Variants in TTN observed in about 807,000 individuals in gnomAD.
TTN encodes the protein titin.
In TTN, 1,525 loss-of-function variants were observed where a neutral mutation model predicts 3,223.0. The ratio of observed to expected loss-of-function variants is 0.47; its 90% CI spans 0.45 to 0.49. The LOEUF (loss-of-function observed/expected upper bound fraction) is 0.49. Among genes scored for constraint, TTN ranks in the 20% least tolerant of loss-of-function variants. TTN has a pLI of 0.00. For missense variants in TTN, 40,786 were observed against 43,424.0 expected (o/e 0.94, Z 5.40); for synonymous variants, 14,094 against 15,161.0 (o/e 0.93, Z 5.17).
intron 149 of TTN, 44 bp from the exon 150 acceptor site, chr2:178,675,157 CA>C: frequency 7.4e-7 from 1 of 1,346,740 alleles, no homozygotes; most frequent in Non-Finnish European, 1.0e-6. Context: ...ATGCAAGAAC[CA>C]AAGAAGAATA....
rs1305128121 is a variant in TTN, at chr2:178,566,476, T to G, written c.79656A>C (p.Lys26552Asn). The G allele has an allele frequency of 3.1e-6, 5 of 1,613,464 alleles. No homozygotes were observed. The highest frequency in any genetic ancestry group is 4.2e-6 in the Non-Finnish European group (5 of 1,179,688). The part of the protein sequence containing the change: ...GLRVTRFEIS[K>N]LTEHQEYKIR... ...TTTTATACTCTTGGTGTTCAGTGAG[T>G]TTTGAAATTTCAAATCGAGTGACTC... Residue 26552 changes from lysine to asparagine, a missense_variant, in exon 326 of 363, where the codon AAA becomes AAC. Physicochemically the swap from Lys to Asn is moderately conservative, Grantham distance 94. Coordinates refer to ENST00000589042, the MANE Select transcript of TTN (RefSeq NM_001267550.2).
At chr2:178,527,937 C>T (rs1375271776) in intron 361 of TTN, 189 bp from the exon 362 acceptor site, 13 of 568,686 alleles carry the variant, frequency 2.3e-5, no homozygotes, top group Non-Finnish European at 3.9e-5. Context: ...GTCTCCAAAA[C>T]ATGAATCCTT....
chr2:178,752,043 G>GAAAAAAAAAA (rs58651353), intron 47 of TTN: 1 of 1,322,332 alleles, frequency 7.6e-7, no homozygotes, highest in Non-Finnish European at 1.0e-6. Flanking sequence ...AATAATTCTG[G>GAAAAAAAAAA]AAAAAAAAAA....
chr2:178,636,810 GT>G lies in TTN; in HGVS notation c.40928-12del. On this transcript the variant is annotated splice_polypyrimidine_tract_variant and intron_variant, in intron 224 of 362. Transcript: ENST00000589042. The surrounding 1 kb of genome is among the most constrained non-coding windows in gnomAD (Gnocchi z 4.3). Reference sequence around the variant, plus strand: ...TCTTTTTGGGTACACCTAATTCAAAGTAAAATAAAAAGTTGATTTGGCATCT... The same window carrying G: ...TCTTTTTGGGTACACCTAATTCAAAGAAAATAAAAAGTTGATTTGGCATCT... 6.5e-7 allele frequency: 1 copy of G among 1,547,118 alleles called. No individual in the cohort carries two copies. Among genetic ancestry groups the G allele is most frequent in the Middle Eastern group, 1.7e-4 (1 of 5,732 alleles).
rs2077136991 is a variant in TTN at position 178,714,336 on chromosome 2, T to C, written c.26438A>G (p.Asn8813Ser). ...NAGKYTCQIKNDAGMQECFAT... is the reference protein window; with the variant it reads ...NAGKYTCQIKSDAGMQECFAT... The stretch of plus-strand genomic sequence containing the variant: ...GAAGCACTCTTGCATCCCAGCATCG[T>C]TTTTGATCTGACAAGTGTATTTTCC... The change falls in exon 91 of 363, where the codon AAC becomes AGC. Residue 8813 changes from asparagine to serine, a missense_variant. Physicochemically the swap from Asn to Ser is conservative, Grantham distance 46. Coordinates refer to ENST00000589042, the MANE Select transcript of TTN (RefSeq NM_001267550.2). The C allele has an allele frequency of 6.2e-7, 1 of 1,613,654 alleles. No individual in the cohort carries two copies. The highest frequency in any genetic ancestry group is 8.5e-7 in the Non-Finnish European group (1 of 1,179,644).
In TTN at chr2:178,562,297, ACTT is replaced by A; in HGVS notation, c.83832_83834del (p.Arg27944del). ...CTGGCACTCCAAGTTGTCTTGGATCACTTCTTCCCTTTTCGTTAACTGCAGCTA... is the reference window on the plus strand; with the variant it reads ...CTGGCACTCCAAGTTGTCTTGGATCACTTCCCTTTTCGTTAACTGCAGCTA... On this transcript the variant is annotated inframe_deletion, in exon 326 of 363. Transcript: ENST00000589042. 2 of 1,613,374 alleles carry A rather than the reference ACTT, an allele frequency of 1.2e-6. No individual in the cohort carries two copies. Among genetic ancestry groups the A allele is most frequent in the Non-Finnish European group, 1.7e-6 (2 of 1,179,666 alleles).
At chr2:178,787,292 A>G (rs1021012206) in intron 13 of TTN, among the ~76,000 whole-genome samples, 2 of 152,142 alleles carry the variant, frequency 1.3e-5, no homozygotes, top group African/African-American at 4.8e-5. Flanking sequence ...GCTTCCTTTT[A>G]GGAAGACACA....
chr2:178,551,230 A>G lies in TTN; in HGVS notation c.91301T>C (p.Val30434Ala). Residue 30434 changes from valine to alanine, a missense_variant, in exon 336 of 363, where the codon GTC becomes GCC. Transcript: ENST00000589042. ...DPPGTPDYID[V>A]TRETITLKWN... ...TTTAAGTGTGATGGTTTCCCGGGTGACATCAATGTAGTCAGGAGTGCCAGG... is the reference window on the plus strand; with the variant it reads ...TTTAAGTGTGATGGTTTCCCGGGTGGCATCAATGTAGTCAGGAGTGCCAGG... 6.2e-7 allele frequency: 1 copy of G among 1,613,260 alleles called. No homozygotes were observed. The highest frequency in any genetic ancestry group is 8.5e-7 in the Non-Finnish European group (1 of 1,179,596).
intron 46 of TTN, 59 bp from the exon 47 acceptor site, chr2:178,753,239 C>G (rs1262453601): frequency 3.1e-6 from 4 of 1,304,492 alleles, no homozygotes; most frequent in Non-Finnish European, 4.4e-6. Context: ...TTTTCTGCAT[C>G]AATTCATGAC....
Position 178,592,034 on chromosome 2 carries a change from T to A in TTN, c.59870A>T (p.Tyr19957Phe). The A allele has an allele frequency of 5.0e-6, 8 of 1,613,124 alleles. No homozygotes were observed. Among genetic ancestry groups the A allele is most frequent in the Non-Finnish European group, 6.8e-6 (8 of 1,179,522 alleles). ...YLFRVAAENQYGRGPFVETPK... is the reference protein window; with the variant it reads ...YLFRVAAENQFGRGPFVETPK... The stretch of plus-strand genomic sequence containing the variant: ...TGTTTCAACAAAAGGACCACGTCCA[T>A]ACTGGTTCTCCGCAGCTACTCGGAA... Residue 19957 changes from tyrosine to phenylalanine, a missense_variant, in exon 302 of 363, where the codon TAT (tyrosine) becomes TTT (phenylalanine). Tyr to Phe is a conservative substitution (Grantham distance 22). Coordinates refer to ENST00000589042, the MANE Select transcript of TTN (RefSeq NM_001267550.2).
At chr2:178,665,940 G>C (rs1298609785) in intron 163 of TTN, 149 bp from the exon 164 acceptor site, 1 of 400,928 alleles carries the variant, frequency 2.5e-6, no homozygotes, top group Admixed American at 4.4e-5. Context: ...GTGAGTATTT[G>C]GTTATAAGCG....
At chr2:178,757,001 T>C (rs527952753) in intron 45 of TTN, among the ~76,000 whole-genome samples, 2 of 152,228 alleles carry the variant, frequency 1.3e-5, no homozygotes, top group South Asian at 4.2e-4. Flanking sequence ...TGCTGAGTGG[T>C]TGATGAAGAC....
rs2065218644 is a variant in TTN, at chr2:178,663,689, ACTT to A, written c.36467_36469del (p.Glu12156del). ...CACTGGCGCTTTCTTTTCAGGAACT[ACTT>A]CTTTGGGAGGCTCTGGTACTTAAAA... On this transcript the variant is annotated inframe_deletion, in exon 171 of 363. Coordinates refer to ENST00000589042, the MANE Select transcript of TTN (RefSeq NM_001267550.2). The A allele has an allele frequency of 1.2e-6, 2 of 1,613,610 alleles. No individual in the cohort carries two copies. The highest frequency in any genetic ancestry group is 8.5e-7 in the Non-Finnish European group (1 of 1,179,806).
rs760457056 is a variant in TTN, at chr2:178,590,481, G to T, written c.61244C>A (p.Thr20415Lys). Residue 20415 changes from threonine to lysine, a missense_variant, in exon 304 of 363, where the codon ACA becomes AAA. Coordinates refer to ENST00000589042, the MANE Select transcript of TTN (RefSeq NM_001267550.2). ...GYVVECQKPGTAQWNRINKDE... is the reference protein window; with the variant it reads ...GYVVECQKPGKAQWNRINKDE... ...TTTATTAATCCTGTTCCATTGTGCT[G>T]TGCCAGGTTTCTGACATTCCACTAC... 8.1e-6 allele frequency: 13 copies of T among 1,612,872 alleles called. No individual in the cohort carries two copies. The highest frequency in any genetic ancestry group is 1.0e-5 in the Non-Finnish European group (12 of 1,179,414).
Position 178,587,690 on chromosome 2 carries a change from T to G in TTN, c.63619A>C (p.Thr21207Pro). The change falls in exon 306 of 363, where the codon ACT becomes CCT. Residue 21207 changes from threonine (T) to proline (P), a missense_variant. By Grantham distance (38) the Thr-to-Pro change is conservative. Coordinates refer to ENST00000589042, the MANE Select transcript of TTN (RefSeq NM_001267550.2). ...TTATCAATGCCAACTTTTCGCCAAGTGACTTTAGGGGCTGGTCGTCCTCTC... is the reference window on the plus strand; with the variant it reads ...TTATCAATGCCAACTTTTCGCCAAGGGACTTTAGGGGCTGGTCGTCCTCTC... ...IVRGRPAPKV[T>P]WRKVGIDNVV... The G allele has an allele frequency of 6.2e-7, 1 of 1,612,970 alleles. No individual in the cohort carries two copies. The highest frequency in any genetic ancestry group is 8.5e-7 in the Non-Finnish European group (1 of 1,179,412).
rs997769510 is a variant in TTN at position 178,736,419 on chromosome 2, T to G, written c.14372-345A>C. Reference sequence around the variant, plus strand: ...TTTAATTCTGCAAATTAGAAGATTATGTAAGGAAGATAAAGAAAATGTATT... The same window carrying G: ...TTTAATTCTGCAAATTAGAAGATTAGGTAAGGAAGATAAAGAAAATGTATT... On this transcript the variant is annotated intron_variant, in intron 49 of 362. Coordinates refer to ENST00000589042, the MANE Select transcript of TTN (RefSeq NM_001267550.2). 3.9e-5 allele frequency among the ~76,000 whole-genome samples: 6 copies of G among 152,186 alleles called. No homozygotes were observed. In the East Asian group the frequency reaches 1.2e-3, roughly 29 times the overall value.
In TTN at chr2:178,784,267, T is replaced by C. The variant is rs1453746704; in HGVS notation, c.2578A>G (p.Lys860Glu). ...SSAQKITKSV[K>E]APTVKPSETR... ...TCACTGGGCTTCACAGTAGGAGCCTTCACCGATTTGGTGATCTTCTGAGCA... is the reference window on the plus strand; with the variant it reads ...TCACTGGGCTTCACAGTAGGAGCCTCCACCGATTTGGTGATCTTCTGAGCA... Residue 860 changes from lysine to glutamate, a missense_variant, in exon 16 of 363, where the codon AAG becomes GAG. Transcript: ENST00000589042. The C allele has an allele frequency of 6.2e-7, 1 of 1,614,030 alleles. No homozygotes were observed. Among genetic ancestry groups the C allele is most frequent in the African/African-American group, 1.3e-5 (1 of 74,922 alleles).
chr2:178,568,031 C>T lies in TTN; in HGVS notation c.78101G>A (p.Ser26034Asn). 1 of 1,613,340 alleles carries T rather than the reference C, an allele frequency of 6.2e-7. No individual in the cohort carries two copies. The highest frequency in any genetic ancestry group is 8.5e-7 in the Non-Finnish European group (1 of 1,179,570). Residue 26034 changes from serine (S) to asparagine (N), a missense_variant, in exon 326 of 363, where the codon AGT becomes AAT. Coordinates refer to ENST00000589042, the MANE Select transcript of TTN (RefSeq NM_001267550.2). ...GYHLERKERN[S>N]ILWTKVNKTI... ...TTTGTTGACCTTTGTCCACAAAATA[C>T]TGTTTCTTTCTTTTCTCTCCAGGTG...
At position 178,561,498 on chromosome 2, in the gene TTN, T is replaced by G; in HGVS notation, c.84634A>C (p.Thr28212Pro). Residue 28212 changes from threonine (T) to proline (P), a missense_variant, in exon 326 of 363, where the codon ACT becomes CCT. Thr to Pro is a conservative substitution (Grantham distance 38, BLOSUM62 -1). Transcript: ENST00000589042. ...TCAAGGCCGGAGACTTTCATTTGAG[T>G]ATCAGCAATGAGGATTTTATTTGCT... Reference protein sequence around the residue: ...SKANKILIADTQMKVSGLDEG... With the variant: ...SKANKILIADPQMKVSGLDEG... 1 of 1,613,694 alleles carries G rather than the reference T, an allele frequency of 6.2e-7. No individual in the cohort carries two copies. Among genetic ancestry groups the G allele is most frequent in the Non-Finnish European group, 8.5e-7 (1 of 1,179,734 alleles).
Sources: gnomAD v4.1 joint callset for allele counts (sites outside exome capture counted in the v4.1 genomes callset) on GRCh38, gnomAD v4.1.1 for gene constraint, Gnocchi (gnomAD v3.1) non-coding constraint, MANE v1.5 for transcripts, NCBI Gene and HGNC (gene_info 2026-07-23, HGNC 2026-07-21) for gene names.